Variants in NREP observed in about 807,000 individuals in gnomAD.
NREP encodes the protein neuronal regeneration related protein, also known as neuronal regeneration-related protein.
Under a neutral mutation model 8.6 loss-of-function variants are expected in NREP, and 5 were observed. The observed-to-expected ratio is 0.58, with a 90% CI of 0.30 to 1.22. NREP has a LOEUF of 1.22. Ranked by LOEUF, NREP falls within the 50% of genes most tolerant of loss-of-function variation. NREP has a pLI of 0.07. For missense variants in NREP, 86 were observed against 82.5 expected (o/e 1.04, Z -0.17); for synonymous variants, 27 against 28.0 (o/e 0.96, Z 0.11).
At chr5:111,875,683 C>T (rs1057402522) in intron 2 of NREP, among the ~76,000 whole-genome samples, 2 of 152,112 alleles carry the variant, frequency 1.3e-5, no homozygotes, top group Non-Finnish European at 2.9e-5. Context: ...GTACATTCTG[C>T]CTAACTCTCA....
intron 2 of NREP, among the ~76,000 whole-genome samples, chr5:111,835,495 G>T (rs751416925): frequency 6.6e-6 from 1 of 152,058 alleles, no homozygotes; most frequent in Non-Finnish European, 1.5e-5. Flanking sequence ...TCTATAAAAG[G>T]CTTCTCAGGG....
intron 2 of NREP, among the ~76,000 whole-genome samples, chr5:111,792,989 G>A (rs989530300): frequency 1.6e-4 from 25 of 152,126 alleles, no homozygotes; most frequent in African/African-American, 6.0e-4. Flanking sequence ...ACTATGCAAA[G>A]GATACAGATG....
chr5:111,883,910 A>T (rs1234794075), intron 2 of NREP, among the ~76,000 whole-genome samples: 2 of 152,186 alleles, frequency 1.3e-5, no homozygotes, highest in African/African-American at 2.4e-5. Context: ...CACAATTAAA[A>T]GAACTAGAAA....
chr5:111,949,315 G>A (rs1169972052), intron 2 of NREP, among the ~76,000 whole-genome samples: 1 of 151,828 alleles, frequency 6.6e-6, no homozygotes, highest in East Asian at 1.9e-4. Context: ...GTCAAAAACT[G>A]CAGTCTAGTG....
intron 2 of NREP, among the ~76,000 whole-genome samples, chr5:111,939,546 C>T (rs1417446197): frequency 6.6e-6 from 1 of 151,960 alleles, no homozygotes; most frequent in Non-Finnish European, 1.5e-5. Context: ...CATTAGTGGT[C>T]ATTAGCACAG....
chr5:111,735,705 C>T (rs919267246), intron 2 of NREP, among the ~76,000 whole-genome samples, 198 bp from the exon 3 acceptor site: 1 of 152,198 alleles, frequency 6.6e-6, no homozygotes, highest in Non-Finnish European at 1.5e-5. Context: ...AGAGTTTCAG[C>T]TCGATGTCTT....
chr5:111,898,654 C>G (rs567567903), intron 2 of NREP, among the ~76,000 whole-genome samples: 9 of 152,210 alleles, frequency 5.9e-5, no homozygotes, highest in African/African-American at 2.2e-4. Flanking sequence ...ACTGTCTCCC[C>G]TCAAAATTAC....
chr5:111,883,177 C>A (rs1317087894), intron 2 of NREP, among the ~76,000 whole-genome samples: 1 of 152,148 alleles, frequency 6.6e-6, no homozygotes, highest in Admixed American at 6.5e-5. Context: ...GGTTGCAATG[C>A]TAGTCTCTGA....
At chr5:111,746,243 T>C (rs934578564) in intron 2 of NREP, among the ~76,000 whole-genome samples, 1 of 152,126 alleles carries the variant, frequency 6.6e-6, no homozygotes, top group Non-Finnish European at 1.5e-5. Flanking sequence ...TTATCATTTT[T>C]TTTTAAAAAA....
intron 2 of NREP, among the ~76,000 whole-genome samples, chr5:111,900,474 GAA>G (rs766348433): frequency 6.6e-6 from 1 of 151,614 alleles, no homozygotes; most frequent in South Asian, 2.1e-4. Flanking sequence ...TCAAGAAAAT[GAA>G]AAGTTTTTTT....
At chr5:111,935,897 C>T (rs537747016) in intron 2 of NREP, among the ~76,000 whole-genome samples, 2 of 152,018 alleles carry the variant, frequency 1.3e-5, no homozygotes, top group Non-Finnish European at 2.9e-5. Context: ...TTTATTCTCC[C>T]ATAGTTTTAG....
intron 2 of NREP, among the ~76,000 whole-genome samples, chr5:111,822,736 T>C (rs771786513): frequency 7.0e-6 from 1 of 142,232 alleles, no homozygotes; most frequent in African/African-American, 2.5e-5. Flanking sequence ...CAAGCTCAAA[T>C]AGTCAACAAT....
chr5:111,762,972 G>C (rs564856317), intron 2 of NREP, among the ~76,000 whole-genome samples: 1 of 152,316 alleles, frequency 6.6e-6, no homozygotes, highest in South Asian at 2.1e-4. Flanking sequence ...TTACATATGT[G>C]TATAAAAGTT....
At chr5:111,872,678 T>C (rs1170804006) in intron 2 of NREP, among the ~76,000 whole-genome samples, 2 of 152,084 alleles carry the variant, frequency 1.3e-5, no homozygotes, top group Non-Finnish European at 2.9e-5. Flanking sequence ...AAGGACAAAA[T>C]ACTGAAACTT....
chr5:111,964,751 T>C (rs1031603905), intron 2 of NREP, among the ~76,000 whole-genome samples: 5 of 150,926 alleles, frequency 3.3e-5, no homozygotes, highest in Non-Finnish European at 4.4e-5. Context: ...AAACATGCCT[T>C]CCAGCTTACA....
At chr5:111,922,562 GAGA>G (rs1421339783) in intron 2 of NREP, among the ~76,000 whole-genome samples, 1 of 152,132 alleles carries the variant, frequency 6.6e-6, no homozygotes. Flanking sequence ...GAGCTCGATG[GAGA>G]AGAAGCCATC....
chr5:111,810,287 C>A (rs140408776), intron 2 of NREP, among the ~76,000 whole-genome samples: 297 of 152,134 alleles, frequency 2.0e-3, no homozygotes, highest in African/African-American at 6.4e-3. Flanking sequence ...GGTAGCAGCT[C>A]AAAAATCAGG....
intron 2 of NREP, among the ~76,000 whole-genome samples, chr5:111,918,011 C>T (rs1755113748): frequency 6.6e-6 from 1 of 152,140 alleles, no homozygotes. Context: ...TAGGCAAAGT[C>T]TCAAGATACA....
intron 2 of NREP, among the ~76,000 whole-genome samples, chr5:111,853,054 T>C (rs746607513): frequency 2.0e-5 from 3 of 152,120 alleles, no homozygotes; most frequent in Non-Finnish European, 4.4e-5. Flanking sequence ...GTGGTGATGG[T>C]GGTGGTGGTC....
Sources: gnomAD v4.1 joint callset for allele counts (sites outside exome capture counted in the v4.1 genomes callset) on GRCh38, gnomAD v4.1.1 for gene constraint, MANE v1.5 for transcripts, NCBI Gene and HGNC (gene_info 2026-07-23, HGNC 2026-07-21) for gene names.